Variants in BICC1 observed in about 807,000 individuals in gnomAD.
The protein encoded by BICC1 is BicC family RNA binding protein 1, also known as protein bicaudal C homolog 1.
In BICC1, 43 loss-of-function variants were observed where a neutral mutation model predicts 111.0. The observed-to-expected ratio is 0.39, with a 90% CI of 0.30 to 0.50. The LOEUF (loss-of-function observed/expected upper bound fraction) is 0.50. Ranked by LOEUF, BICC1 falls within the 20% of genes least tolerant of loss-of-function variation. The pLI, the probability that BICC1 is intolerant of heterozygous loss-of-function variation, is 0.88. For missense variants in BICC1, 1,091 were observed against 1,203.2 expected (o/e 0.91, Z 1.38); for synonymous variants, 467 against 434.4 (o/e 1.07, Z -0.93).
At chr10:58,519,153 C>G (rs1290806663) in intron 1 of BICC1, among the ~76,000 whole-genome samples, 1 of 152,210 alleles carries the variant, frequency 6.6e-6, no homozygotes, top group Non-Finnish European at 1.5e-5. Flanking sequence ...CTGCCTCCAC[C>G]ATCTTCAGCC....
intron 2 of BICC1, among the ~76,000 whole-genome samples, chr10:58,690,386 A>G (rs551364998): frequency 6.6e-6 from 1 of 152,342 alleles, no homozygotes; most frequent in Admixed American, 6.5e-5. Context: ...GGGACCATGG[A>G]TTCCAGATGG....
intron 3 of BICC1, chr10:58,715,883 G>A (rs1248802478): frequency 5.7e-6 from 7 of 1,217,994 alleles, no homozygotes; most frequent in African/African-American, 1.5e-5. Flanking sequence ...TCTTCATCAA[G>A]CTCTGATTCT....
chr10:58,562,548 T>C (rs1469651826), intron 1 of BICC1, among the ~76,000 whole-genome samples: 1 of 152,148 alleles, frequency 6.6e-6, no homozygotes, highest in Non-Finnish European at 1.5e-5. Context: ...TCAGTCTGTA[T>C]TCTCTTGTAT....
At chr10:58,700,617 A>G (rs905417271) in intron 2 of BICC1, among the ~76,000 whole-genome samples, 3 of 152,212 alleles carry the variant, frequency 2.0e-5, no homozygotes, top group African/African-American at 7.2e-5. Context: ...AATTTTTAAT[A>G]GAGACATAAG....
At chr10:58,803,598 T>G (rs1186980733) in intron 15 of BICC1, among the ~76,000 whole-genome samples, 1 of 152,182 alleles carries the variant, frequency 6.6e-6, no homozygotes, top group Non-Finnish European at 1.5e-5. Context: ...GATAAATAGA[T>G]ATACTATTTT....
chr10:58,711,566 T>A (rs1428625497), intron 3 of BICC1, among the ~76,000 whole-genome samples: 4 of 152,166 alleles, frequency 2.6e-5, no homozygotes, highest in Non-Finnish European at 4.4e-5. Flanking sequence ...GGTGACCTAT[T>A]AGCAAGACTG....
intron 2 of BICC1, among the ~76,000 whole-genome samples, chr10:58,689,689 A>G (rs1458808217): frequency 6.6e-6 from 1 of 152,216 alleles, no homozygotes. Context: ...GTTTTGTACA[A>G]GCAAAGCGGA....
intron 2 of BICC1, among the ~76,000 whole-genome samples, chr10:58,638,301 TA>T (rs1235545492): frequency 6.6e-6 from 1 of 151,628 alleles, no homozygotes; most frequent in Non-Finnish European, 1.5e-5. Flanking sequence ...TACTTTATGG[TA>T]AGTAATTACA....
At chr10:58,531,057 G>C (rs1385384024) in intron 1 of BICC1, among the ~76,000 whole-genome samples, 3 of 151,786 alleles carry the variant, frequency 2.0e-5, no homozygotes, top group East Asian at 1.9e-4. Flanking sequence ...CACAGCTAAT[G>C]ATGAGGAAAA....
At chr10:58,792,653 C>T (rs1843219294) in intron 8 of BICC1, among the ~76,000 whole-genome samples, 1 of 152,110 alleles carries the variant, frequency 6.6e-6, no homozygotes, top group Non-Finnish European at 1.5e-5. Context: ...AATCTAATGC[C>T]TGATGATCTG....
chr10:58,789,390 G>C lies in BICC1; in HGVS notation c.729G>C (p.Gln243His). 6.2e-7 allele frequency: 1 copy of C among 1,614,074 alleles called. No homozygotes were observed. Among genetic ancestry groups the C allele is most frequent in the Non-Finnish European group, 8.5e-7 (1 of 1,179,974 alleles). The change falls in exon 7 of 21, where the codon CAG (glutamine) becomes CAC (histidine). Residue 243 changes from glutamine (Q) to histidine (H), a missense_variant. Coordinates refer to ENST00000373886, the MANE Select transcript of BICC1 (RefSeq NM_001080512.3). Reference protein sequence around the residue: ...QTYNISVSFKQRSRMYGATVI... With the variant: ...QTYNISVSFKHRSRMYGATVI... ...ACAATATTTCAGTATCATTTAAACAGCGTTCCCGAATGTATGGTGCTACTG... is the reference window on the plus strand; with the variant it reads ...ACAATATTTCAGTATCATTTAAACACCGTTCCCGAATGTATGGTGCTACTG...
At chr10:58,596,452 A>G (rs575589480) in intron 1 of BICC1, among the ~76,000 whole-genome samples, 1 of 152,328 alleles carries the variant, frequency 6.6e-6, no homozygotes, top group Admixed American at 6.5e-5. Flanking sequence ...CACAGCCAAT[A>G]TCATAGTAAA....
intron 2 of BICC1, among the ~76,000 whole-genome samples, chr10:58,630,229 G>A (rs1328800886): frequency 6.6e-6 from 1 of 152,158 alleles, no homozygotes; most frequent in Non-Finnish European, 1.5e-5. Flanking sequence ...ATGGAGTGAG[G>A]GAGAGGCCAG....
chr10:58,696,948 T>C (rs1840081793), intron 2 of BICC1, among the ~76,000 whole-genome samples: 1 of 152,198 alleles, frequency 6.6e-6, no homozygotes, highest in East Asian at 1.9e-4. Flanking sequence ...GACGACATCA[T>C]TTTCTTCGTG....
At chr10:58,767,485 G>A (rs1382387076) in intron 3 of BICC1, among the ~76,000 whole-genome samples, 3 of 152,124 alleles carry the variant, frequency 2.0e-5, no homozygotes, top group Non-Finnish European at 2.9e-5. Context: ...TACTACTTCA[G>A]ATGTGAAAAC....
intron 1 of BICC1, among the ~76,000 whole-genome samples, chr10:58,527,540 C>G (rs1658488): frequency 0.46 from 69,974 of 151,900 alleles, 17,167 homozygotes; most frequent in Admixed American, 0.62. Flanking sequence ...TTCTTCTAGG[C>G]TTTTTATGGT....
At chr10:58,578,520 T>G (rs1385793967) in intron 1 of BICC1, among the ~76,000 whole-genome samples, 1 of 152,220 alleles carries the variant, frequency 6.6e-6, no homozygotes, top group Non-Finnish European at 1.5e-5. Context: ...TGACTCTGAC[T>G]GTTGAAAATG....
At chr10:58,761,901 A>G (rs1331064709) in intron 3 of BICC1, among the ~76,000 whole-genome samples, 2 of 152,150 alleles carry the variant, frequency 1.3e-5, no homozygotes, top group Non-Finnish European at 2.9e-5. Flanking sequence ...TTTTCTAGAA[A>G]AAAATTCTTA....
chr10:58,742,431 ATTT>A (rs554670544), intron 3 of BICC1, among the ~76,000 whole-genome samples: 112 of 94,152 alleles, frequency 1.2e-3, no homozygotes, highest in African/African-American at 3.0e-3. Context: ...GTATGCTTTA[ATTT>A]TTTTTTTTTT....
Sources: gnomAD v4.1 joint callset for allele counts (sites outside exome capture counted in the v4.1 genomes callset) on GRCh38, gnomAD v4.1.1 for gene constraint, MANE v1.5 for transcripts, NCBI Gene and HGNC (gene_info 2026-07-23, HGNC 2026-07-21) for gene names.